Variants in GCNT1 observed in about 807,000 individuals in gnomAD.
The protein encoded by GCNT1 is glucosaminyl (N-acetyl) transferase 1, also known as beta-1,3-galactosyl-O-glycosyl-glycoprotein beta-1,6-N-acetylglucosaminyltransferase.
GCNT1 carries 16 observed loss-of-function variants against 26.2 expected under a neutral mutation model. The observed-to-expected ratio is 0.61, with a 90% CI of 0.41 to 0.93. The LOEUF (loss-of-function observed/expected upper bound fraction) is 0.93, where lower values mean the gene tolerates loss of function less well. Among genes scored for constraint, GCNT1 ranks in the 40% least tolerant of loss-of-function variants. GCNT1 has a pLI of 0.00. For missense variants in GCNT1, 477 were observed against 526.7 expected (o/e 0.91, Z 0.92); for synonymous variants, 183 against 190.8 (o/e 0.96, Z 0.34).
the GCNT1 span, among the ~76,000 whole-genome samples, chr9:76,411,471 C>T: frequency 6.6e-6 from 1 of 151,402 alleles, no homozygotes; most frequent in East Asian, 2.0e-4. Context: ...TGAAACTACA[C>T]ATGTATGCCA....
chr9:76,431,159 C>T (rs928569333), intron 1 of GCNT1, among the ~76,000 whole-genome samples: 3 of 152,150 alleles, frequency 2.0e-5, no homozygotes, highest in Admixed American at 1.3e-4. Context: ...TATGTTAAAA[C>T]GTCCTGGCAA....
upstream of GCNT1, among the ~76,000 whole-genome samples, chr9:76,455,425 G>T (rs577871857): frequency 4.6e-5 from 7 of 152,272 alleles, no homozygotes; most frequent in South Asian, 6.2e-4. Context: ...TGGCCTTGTT[G>T]TAAGTGTGAA....
At chr9:76,482,706 G>A (rs1824454223) in intron 2 of GCNT1, among the ~76,000 whole-genome samples, 1 of 151,868 alleles carries the variant, frequency 6.6e-6, no homozygotes, top group Non-Finnish European at 1.5e-5. Flanking sequence ...GTGCAGTGGT[G>A]TGATCATGGC....
chr9:76,461,570 G>A (rs1271423545), intron 2 of GCNT1, among the ~76,000 whole-genome samples: 1 of 149,258 alleles, frequency 6.7e-6, no homozygotes, highest in Admixed American at 6.7e-5. Flanking sequence ...GTGACAGAGC[G>A]AGAGTCTGTC....
At chr9:76,433,337 C>T (rs566393504) in intron 1 of GCNT1, among the ~76,000 whole-genome samples, 15 of 152,330 alleles carry the variant, frequency 9.8e-5, no homozygotes, top group Non-Finnish European at 1.3e-4. Flanking sequence ...GAACTGTTAA[C>T]GTGCCCCTGT....
chr9:76,411,934 T>G, the GCNT1 span, among the ~76,000 whole-genome samples: 48 of 152,032 alleles, frequency 3.2e-4, no homozygotes, highest in African/African-American at 1.1e-3. Context: ...ACTCCTGGCC[T>G]CCAGTGATCT....
At chr9:76,405,022 T>C in the GCNT1 span, among the ~76,000 whole-genome samples, 5 of 151,882 alleles carry the variant, frequency 3.3e-5, no homozygotes, top group African/African-American at 1.2e-4. Flanking sequence ...TTTTGCCATG[T>C]TGACCAGGCT....
chr9:76,447,607 C>T (rs1214720749), intron 1 of GCNT1, among the ~76,000 whole-genome samples: 1 of 152,150 alleles, frequency 6.6e-6, no homozygotes, highest in Non-Finnish European at 1.5e-5. Flanking sequence ...GACTGATTTT[C>T]ACCCTATTTC....
the GCNT1 span, chr9:76,399,262 G>A: frequency 2.6e-5 from 37 of 1,449,362 alleles, no homozygotes; most frequent in African/African-American, 4.2e-5. Flanking sequence ...TGTGTAGCAC[G>A]ATTTCCTATG....
chr9:76,441,046 C>T (rs1587412103), upstream of GCNT1, among the ~76,000 whole-genome samples: 2 of 137,532 alleles, frequency 1.5e-5, no homozygotes, highest in African/African-American at 5.4e-5. Context: ...GCCTGGGCAA[C>T]AAAGAGAGAC....
chr9:76,464,038 GTTT>G (rs67210919), intron 2 of GCNT1, among the ~76,000 whole-genome samples: 1 of 129,466 alleles, frequency 7.7e-6, no homozygotes, highest in African/African-American at 2.8e-5. Flanking sequence ...CTCTTTTTTT[GTTT>G]TTTTTTTTTT....
Position 76,506,384 on chromosome 9 carries a change from G to GA in GCNT1, c.*2726dup, listed in dbSNP as rs201265345. ...CGAAACCCCATCTCTACTGAAAATA[G>GA]AAAAAAAAAATTAGCCAGGCTTGCA... On this transcript the variant is annotated 3_prime_UTR_variant, in exon 4 of 4. Coordinates refer to ENST00000376730, the MANE Select transcript of GCNT1 (RefSeq NM_001490.5). 1.8e-3 allele frequency: 298 copies of GA among 162,688 alleles called. No homozygotes were observed. The highest frequency in any genetic ancestry group is 6.5e-3 in the African/African-American group (263 of 40,740). The allele number at this position is 162,688 out of a possible 1,614,324, so 10.1% of individuals were successfully genotyped here.
chr9:76,413,663 TTTTTG>T, the GCNT1 span, among the ~76,000 whole-genome samples: 1 of 104,498 alleles, frequency 9.6e-6, no homozygotes, highest in African/African-American at 3.6e-5. Context: ...GTTTTTTTTT[TTTTTG>T]TTTTTTTTTT....
chr9:76,473,155 A>T (rs958636133), intron 2 of GCNT1, among the ~76,000 whole-genome samples: 4 of 152,208 alleles, frequency 2.6e-5, no homozygotes, highest in African/African-American at 9.6e-5. Context: ...GTTTCCAGCA[A>T]CACTAGATGC....
chr9:76,447,327 C>A (rs1823593791), intron 1 of GCNT1, among the ~76,000 whole-genome samples: 1 of 151,868 alleles, frequency 6.6e-6, no homozygotes, highest in African/African-American at 2.4e-5. Flanking sequence ...GCAGCCTCAA[C>A]CTCCCGGGCT....
intron 1 of GCNT1, among the ~76,000 whole-genome samples, chr9:76,426,582 G>T (rs987211707): frequency 2.6e-5 from 4 of 151,910 alleles, no homozygotes; most frequent in African/African-American, 4.8e-5. Flanking sequence ...AAAAAGAAAA[G>T]AAAAATTAAA....
chr9:76,493,457 T>A (rs1824806923), intron 2 of GCNT1, among the ~76,000 whole-genome samples: 1 of 152,192 alleles, frequency 6.6e-6, no homozygotes, highest in African/African-American at 2.4e-5. Flanking sequence ...GACATCTATA[T>A]ACCTATCAGG....
the GCNT1 span, among the ~76,000 whole-genome samples, chr9:76,413,310 C>T: frequency 9.9e-5 from 15 of 152,150 alleles, no homozygotes; most frequent in African/African-American, 3.6e-4. Flanking sequence ...GAGTGGGACA[C>T]CTGGTCACAG....
the GCNT1 span, among the ~76,000 whole-genome samples, chr9:76,400,285 G>A: frequency 5.9e-5 from 9 of 152,106 alleles, no homozygotes; most frequent in Admixed American, 1.3e-4. Context: ...CTGACTTGGA[G>A]TCTGACATCA....
Sources: gnomAD v4.1 joint callset for allele counts (sites outside exome capture counted in the v4.1 genomes callset) on GRCh38, gnomAD v4.1.1 for gene constraint, MANE v1.5 for transcripts, NCBI Gene and HGNC (gene_info 2026-07-23, HGNC 2026-07-21) for gene names.